WDR70: variants seen among roughly 807,000 people sequenced by gnomAD.
WDR70 encodes WD repeat-containing protein 70.
WDR70 carries 53 observed loss-of-function variants against 88.6 expected under a neutral mutation model. That is an observed-to-expected ratio of 0.60 (90% CI 0.48 to 0.75). WDR70 has a LOEUF of 0.75. WDR70 is among the 30% of genes least tolerant of loss of function. The pLI, the probability that WDR70 is intolerant of heterozygous loss-of-function variation, is 0.00. For synonymous variants in WDR70, 280 were observed against 270.0 expected (o/e 1.04, Z -0.36); for missense variants, 610 against 823.2 (o/e 0.74, Z 3.17).
At chr5:37,442,033 ATTTTTTTTT>A (rs545329551) in intron 6 of WDR70, among the ~76,000 whole-genome samples, 1 of 116,544 alleles carries the variant, frequency 8.6e-6, no homozygotes, top group Non-Finnish European at 1.8e-5. Flanking sequence ...AGGGAAAGCA[ATTTTTTTTT>A]TTTTTTTTTT....
intron 6 of WDR70, among the ~76,000 whole-genome samples, chr5:37,442,453 C>T (rs1203442927): frequency 2.0e-5 from 3 of 151,676 alleles, no homozygotes; most frequent in Admixed American, 6.6e-5. Flanking sequence ...ATTTTTGTGC[C>T]TCAGCATTAC....
At chr5:37,689,748 TGAG>T (rs1035947460) in intron 10 of WDR70, among the ~76,000 whole-genome samples, 1 of 152,216 alleles carries the variant, frequency 6.6e-6, no homozygotes, top group African/African-American at 2.4e-5. Flanking sequence ...ACCACAAAGA[TGAG>T]GAGAAACCAG....
rs1165831529 is a variant in WDR70 at position 37,563,058 on chromosome 5, C to A, written c.918-42006C>A. 4.2e-3 allele frequency among the ~76,000 whole-genome samples: 369 copies of A among 87,346 alleles called. 6 individuals carry two copies. Among genetic ancestry groups the A allele is most frequent in the African/African-American group, 0.015 (358 of 24,096 alleles). 57.3% of individuals were successfully genotyped at this position (87,346 alleles called of 152,430 possible). On this transcript the variant is annotated intron_variant, in intron 9 of 17. Coordinates refer to ENST00000265107, the MANE Select transcript of WDR70 (RefSeq NM_018034.4). The stretch of plus-strand genomic sequence containing the variant: ...GGCGCCCCTCACCTCCCGGACGGGG[C>A]GGCTGGCCGGGCGGGGGGCTGACCC...
At chr5:37,662,127 G>A (rs982494762) in intron 10 of WDR70, among the ~76,000 whole-genome samples, 2 of 152,116 alleles carry the variant, frequency 1.3e-5, no homozygotes, top group African/African-American at 2.4e-5. Context: ...CTCTTTCACT[G>A]CCATAATTTC....
In WDR70 at chr5:37,468,568, G is replaced by T. The variant is rs188739417; in HGVS notation, c.687-11266G>T. Among the ~76,000 whole-genome samples the T allele has an allele frequency of 1.3e-3, 193 of 152,076 alleles. 1 individual carries two copies. The Middle Eastern group carries it at 0.02, about 16-fold the overall frequency. ...ACTCAATGTGTAATGATCAAATCAG[G>T]ATAATTTGCATAATTTTTTTTTGTA... is the stretch of plus-strand genomic sequence containing the variant. On this transcript the variant is annotated intron_variant, in intron 7 of 17. Coordinates refer to ENST00000265107, the MANE Select transcript of WDR70 (RefSeq NM_018034.4).
chr5:37,538,325 C>T (rs1741724021), intron 9 of WDR70, among the ~76,000 whole-genome samples: 1 of 152,168 alleles, frequency 6.6e-6, no homozygotes, highest in African/African-American at 2.4e-5. Context: ...TTATTCATCT[C>T]AACACCTCTT....
At chr5:37,552,287 G>A (rs866490316) in intron 9 of WDR70, among the ~76,000 whole-genome samples, 1 of 152,042 alleles carries the variant, frequency 6.6e-6, no homozygotes, top group Non-Finnish European at 1.5e-5. Context: ...TATTACTATC[G>A]CGCAAAGCTT....
intron 8 of WDR70, among the ~76,000 whole-genome samples, chr5:37,513,945 T>G (rs1468163858): frequency 6.6e-6 from 1 of 152,126 alleles, no homozygotes; most frequent in Admixed American, 6.5e-5. Flanking sequence ...CACTCATTAT[T>G]AACCATCACA....
intron 10 of WDR70, among the ~76,000 whole-genome samples, chr5:37,684,124 G>T (rs186719736): frequency 2.5e-4 from 38 of 151,808 alleles, no homozygotes; most frequent in African/African-American, 8.7e-4. Flanking sequence ...TCTTCATTTT[G>T]GTCTATTCTG....
At chr5:37,740,008 G>A (rs1480829187) in intron 17 of WDR70, among the ~76,000 whole-genome samples, 2 of 152,178 alleles carry the variant, frequency 1.3e-5, no homozygotes, top group Non-Finnish European at 2.9e-5. Flanking sequence ...CTTTAAAAGT[G>A]GGAATTTGTG....
chr5:37,733,748 A>G (rs1173158599), intron 17 of WDR70, among the ~76,000 whole-genome samples: 2 of 151,998 alleles, frequency 1.3e-5, no homozygotes, highest in African/African-American at 2.4e-5. Context: ...AGTTATATGT[A>G]TATATTAATT....
chr5:37,554,704 A>ACG (rs1340837896), intron 9 of WDR70, among the ~76,000 whole-genome samples: 1 of 151,620 alleles, frequency 6.6e-6, no homozygotes, highest in African/African-American at 2.4e-5. Context: ...ACACACACAC[A>ACG]CATTTTAAAT....
intron 9 of WDR70, among the ~76,000 whole-genome samples, chr5:37,585,638 A>C (rs1743344918): frequency 6.6e-6 from 1 of 152,114 alleles, no homozygotes; most frequent in African/African-American, 2.4e-5. Context: ...CATTTATGTG[A>C]AAAATACCAT....
intron 9 of WDR70, among the ~76,000 whole-genome samples, chr5:37,558,263 A>T (rs1039494726): frequency 1.3e-5 from 2 of 152,234 alleles, no homozygotes; most frequent in East Asian, 3.9e-4. Flanking sequence ...TGTTTTGAAG[A>T]TCCTGAATTG....
intron 17 of WDR70, among the ~76,000 whole-genome samples, chr5:37,735,371 A>G (rs1425465615): frequency 6.6e-6 from 1 of 152,146 alleles, no homozygotes; most frequent in East Asian, 1.9e-4. Flanking sequence ...TAGATCAGGC[A>G]TTGTCATATC....
At chr5:37,487,928 G>A (rs182657119) in intron 8 of WDR70, among the ~76,000 whole-genome samples, 189 of 152,058 alleles carry the variant, frequency 1.2e-3, no homozygotes, top group Non-Finnish European at 2.5e-3. Context: ...CCAGCCCATA[G>A]TTGTTACTCT....
intron 3 of WDR70, among the ~76,000 whole-genome samples, chr5:37,390,758 C>T (rs548517943): frequency 6.7e-6 from 1 of 150,120 alleles, no homozygotes; most frequent in Non-Finnish European, 1.5e-5. Context: ...CTTTTGCTGC[C>T]CAGGCTGGAG....
At chr5:37,624,144 A>G (rs1171723658) in intron 10 of WDR70, among the ~76,000 whole-genome samples, 2 of 152,096 alleles carry the variant, frequency 1.3e-5, no homozygotes, top group Non-Finnish European at 2.9e-5. Flanking sequence ...ACTAGAACTT[A>G]TTTCTCCTGT....
chr5:37,513,563 A>G (rs1185202857), intron 8 of WDR70, among the ~76,000 whole-genome samples: 1 of 152,198 alleles, frequency 6.6e-6, no homozygotes, highest in Non-Finnish European at 1.5e-5. Context: ...CTAATGGAAT[A>G]TACATACAGG....
Sources: allele counts gnomAD v4.1 joint callset (sites outside exome capture counted in the v4.1 genomes callset), GRCh38; gene constraint gnomAD v4.1.1; transcripts MANE v1.5; gene names NCBI Gene and HGNC (gene_info 2026-07-23, HGNC 2026-07-21).